Variants in ABCA3 observed in about 807,000 individuals in gnomAD.
ABCA3 encodes the protein ATP binding cassette subfamily A member 3.
In ABCA3, 88 loss-of-function variants were observed where a neutral mutation model predicts 172.8. That is an observed-to-expected ratio of 0.51 (90% confidence interval 0.43 to 0.61). The LOEUF is 0.61. ABCA3 is among the 20% of genes least tolerant of loss of function. The pLI, the probability that ABCA3 is intolerant of heterozygous loss-of-function variation, is 0.00. For missense variants in ABCA3, 2,164 were observed against 2,301.0 expected (o/e 0.94, Z 1.22); for synonymous variants, 1,066 against 983.8 (o/e 1.08, Z -1.56).
rs766115461 is a variant in ABCA3, at chr16:2,277,553, C to A, written c.4983+44G>T. On this transcript the variant is annotated intron_variant, in intron 32 of 32. Transcript: ENST00000301732. This position sits in a 1 kb window ranked among gnomAD's most constrained non-coding sequence, Gnocchi z 5.3. ...GGGAGAGACCCCTGGAGGGACCTCC[C>A]CCTGCCCCATGAGTGCCCAGTGGGG... 1 of 1,603,504 alleles carries A rather than the reference C, an allele frequency of 6.2e-7. No individual in the cohort carries two copies. Among genetic ancestry groups the A allele is most frequent in the African/African-American group, 1.3e-5 (1 of 74,760 alleles).
Position 2,278,243 on chromosome 16 carries a change from C to T in ABCA3, c.4718+45G>A. Reference sequence around the variant, plus strand: ...CTGGCCACCTGGCTCCTCCATGGCCCACCCGGTGCTGAAACTTCCAGTAAC... The same window carrying T: ...CTGGCCACCTGGCTCCTCCATGGCCTACCCGGTGCTGAAACTTCCAGTAAC... On this transcript the variant is annotated intron_variant, in intron 30 of 32. Coordinates refer to ENST00000301732, the MANE Select transcript of ABCA3 (RefSeq NM_001089.3). This position sits in a 1 kb window ranked among gnomAD's most constrained non-coding sequence, Gnocchi z 4.4. 1.2e-6 allele frequency: 2 copies of T among 1,603,064 alleles called. No homozygotes were observed. Among genetic ancestry groups the T allele is most frequent in the Non-Finnish European group, 1.7e-6 (2 of 1,179,888 alleles).
At chr16:2,339,327 T>C (rs974281859) in intron 1 of ABCA3, 1 of 152,224 alleles carries the variant, frequency 6.6e-6, no homozygotes, top group Admixed American at 6.5e-5. Context: ...CTGGTCAGAA[T>C]GGTGGTAAGT....
chr16:2,333,505 C>G (rs2093746663), intron 1 of ABCA3, among the ~76,000 whole-genome samples: 1 of 152,130 alleles, frequency 6.6e-6, no homozygotes, highest in Non-Finnish European at 1.5e-5. Context: ...CAGCCAGCAT[C>G]AAAGATCCGC....
Position 2,285,637 on chromosome 16 carries a change from C to G in ABCA3, c.3288G>C (p.Lys1096Asn), listed in dbSNP as rs775423431. 3.0e-5 allele frequency: 47 copies of G among 1,552,204 alleles called. No homozygotes were observed. The South Asian group carries it at 5.1e-4, about 17-fold the overall frequency. ...GCAGGTTGAGGGCAATGTCGAATCC[C>G]TTCCGGCCCCTGCGGGGGACAGAGA... The part of the protein sequence containing the change: ...AAKDQFNEGR[K>N]GFDIALNLLF... The change falls in exon 23 of 33, where the codon AAG becomes AAC. Residue 1096 changes from lysine to asparagine, a missense_variant. Lys to Asn is a moderately conservative substitution (Grantham distance 94). Coordinates refer to ENST00000301732, the MANE Select transcript of ABCA3 (RefSeq NM_001089.3). This position sits in a 1 kb window ranked among gnomAD's most constrained non-coding sequence, Gnocchi z 4.7.
intron 12 of ABCA3, 88 bp from the exon 13 acceptor site, chr16:2,300,236 G>A: frequency 6.3e-7 from 1 of 1,575,670 alleles, no homozygotes; most frequent in Admixed American, 1.7e-5. Context: ...ACACAGCCAT[G>A]CAGCCTCTGT....
At chr16:2,307,940 T>G (rs554507283) in intron 11 of ABCA3, among the ~76,000 whole-genome samples, 2 of 152,284 alleles carry the variant, frequency 1.3e-5, no homozygotes, top group African/African-American at 4.8e-5. Context: ...CTCAGGAAGC[T>G]GGAAGAGGCC....
chr16:2,319,876 G>A (rs761227656), intron 7 of ABCA3, 36 bp from the exon 8 acceptor site: 28 of 1,611,548 alleles, frequency 1.7e-5, no homozygotes, highest in African/African-American at 1.2e-4. Context: ...CAGCCACCTC[G>A]AGGAGCTGCT....
intron 1 of ABCA3, among the ~76,000 whole-genome samples, chr16:2,330,164 C>T (rs114992590): frequency 0.015 from 2,315 of 151,206 alleles, 64 homozygotes; most frequent in African/African-American, 0.053. Context: ...GGTGTGGTGA[C>T]GTGTGCCTGT....
rs2093733912 is a variant in ABCA3, at chr16:2,326,128, C to G, written c.201G>C (p.Leu67=). The G allele has an allele frequency of 6.2e-7, 1 of 1,614,152 alleles. No individual in the cohort carries two copies. The highest frequency in any genetic ancestry group is 1.3e-5 in the African/African-American group (1 of 75,070). Residue 67 remains leucine, a synonymous_variant, in exon 5 of 33, where the codon CTG becomes CTC. Coordinates refer to ENST00000301732, the MANE Select transcript of ABCA3 (RefSeq NM_001089.3). ...YPGQSIQELP[L]FFTFPPPGDT... ...CTCCTGGCGGAGGGAAGGTGAAGAA[C>G]AGAGGCAGCTCCTGGATGGACTGGC...
At chr16:2,309,603 A>C (rs537652673) in intron 10 of ABCA3, among the ~76,000 whole-genome samples, 1 of 152,020 alleles carries the variant, frequency 6.6e-6, no homozygotes, top group Non-Finnish European at 1.5e-5. Flanking sequence ...GCAGTGCTCA[A>C]ACTGTTTGGT....
chr16:2,332,301 GT>G, intron 1 of ABCA3: 1 of 635,266 alleles, frequency 1.6e-6, no homozygotes, highest in Non-Finnish European at 2.8e-6. Flanking sequence ...AATTTTGATA[GT>G]CACGATGGGC....
intron 1 of ABCA3, among the ~76,000 whole-genome samples, chr16:2,336,046 G>A (rs2093751186): frequency 2.0e-5 from 3 of 152,228 alleles, no homozygotes; most frequent in Admixed American, 6.5e-5. Context: ...TAGACACAAC[G>A]TAATCTGTCC....
chr16:2,297,411 G>A lies in ABCA3; in HGVS notation c.2181C>T (p.Asp727=), dbSNP rs2093681500. 4 of 1,613,718 alleles carry A rather than the reference G, an allele frequency of 2.5e-6. No individual in the cohort carries two copies. The East Asian group carries it at 8.9e-5, about 36-fold the overall frequency. ...TGATGGCGATGCGGTCTCCCAGCAG[G>A]TCAGCCTCGTCCATGAAGTGGGTGG... The part of the protein sequence containing the change: ...VLTTHFMDEA[D]LLGDRIAIMA... The change falls in exon 17 of 33, where the codon GAC becomes GAT. Residue 727 remains aspartate (D), a synonymous_variant. Transcript: ENST00000301732. The surrounding 1 kb of genome is among the most constrained non-coding windows in gnomAD (Gnocchi z 5.6).
chr16:2,331,991 T>G (rs2093743987), intron 1 of ABCA3, among the ~76,000 whole-genome samples: 1 of 152,188 alleles, frequency 6.6e-6, no homozygotes, highest in South Asian at 2.1e-4. Context: ...ACATCACACA[T>G]ATCATTGAGT....
In ABCA3 at chr16:2,292,205, C is replaced by T. The variant is rs970709883; in HGVS notation, c.2448G>A (p.Lys816=). The T allele has an allele frequency of 6.2e-6, 10 of 1,613,994 alleles. No individual in the cohort carries two copies. In the East Asian group the frequency reaches 8.9e-5, roughly 14 times the overall value. ...AGCTGGCAATGCCCAGCTCTTTCTG[C>T]TTCTTCTCCAGTTTAGCAAAGAGAC... The part of the protein sequence containing the change: ...FEGLFAKLEK[K]QKELGIASFG... The change falls in exon 19 of 33, where the codon AAG becomes AAA. Residue 816 remains lysine (K), a synonymous_variant. Coordinates refer to ENST00000301732, the MANE Select transcript of ABCA3 (RefSeq NM_001089.3).
Position 2,328,705 on chromosome 16 carries a change from T to C in ABCA3, c.-279A>G. Reference sequence around the variant, plus strand: ...GTCCTTCATGTGCGGAAAAGCCTCCTTGACTCACAGTGGAAGAGTTTCAGG... The same window carrying C: ...GTCCTTCATGTGCGGAAAAGCCTCCCTGACTCACAGTGGAAGAGTTTCAGG... On this transcript the variant is annotated 5_prime_UTR_variant, in exon 3 of 33. Coordinates refer to ENST00000301732, the MANE Select transcript of ABCA3 (RefSeq NM_001089.3). The C allele has an allele frequency of 2.8e-6, 1 of 361,992 alleles. No individual in the cohort carries two copies. The highest frequency in any genetic ancestry group is 5.6e-6 in the Non-Finnish European group (1 of 178,660). The allele number at this position is 361,992 out of a possible 1,614,324, so 22.4% of individuals were successfully genotyped here. A position where few individuals can be genotyped will look rare whatever the true frequency, so the allele number is the denominator to read the frequency against.
chr16:2,316,290 C>A (rs115464529), intron 10 of ABCA3, among the ~76,000 whole-genome samples: 3,652 of 87,238 alleles, frequency 0.042, 178 homozygotes, highest in African/African-American at 0.14. Context: ...GCCTGGGCAA[C>A]AGAACAAGAG....
rs543797447 is a variant in ABCA3, at chr16:2,289,470, G to A, written c.2664C>T (p.Ile888=). The A allele has an allele frequency of 1.9e-5, 30 of 1,567,672 alleles. No individual in the cohort carries two copies. The South Asian group carries it at 2.1e-4, about 11-fold the overall frequency. The change falls in exon 20 of 33, where the codon ATC becomes ATT. Residue 888 remains isoleucine, a synonymous_variant. Coordinates refer to ENST00000301732, the MANE Select transcript of ABCA3 (RefSeq NM_001089.3). ...GCTTGACAGCGGTGCGCTCCTCCTC[G>A]ATGAGGGCTCCAATGCCGTCGGAGG... ...MDPSDGIGAL[I]EEERTAVKLN... is the part of the protein sequence containing the mutation.
In ABCA3 at chr16:2,304,049, A is replaced by G. The variant is rs756834166; in HGVS notation, c.1387T>C (p.Tyr463His). 1.2e-6 allele frequency: 2 copies of G among 1,614,204 alleles called. No homozygotes were observed. The highest frequency in any genetic ancestry group is 1.7e-5 in the Admixed American group (1 of 60,026). Residue 463 changes from tyrosine to histidine, a missense_variant, in exon 12 of 33, where the codon TAT becomes CAT. Physicochemically the swap from Tyr to His is moderately conservative, Grantham distance 83. Coordinates refer to ENST00000301732, the MANE Select transcript of ABCA3 (RefSeq NM_001089.3). The part of the protein sequence containing the change: ...LGMLLLDSVL[Y>H]GLVTWYMEAV... ...TCCATGTACCAGGTCACCAGGCCAT[A>G]GAGCACAGAGTCCAGCAGCAGCATC...
Sources: allele counts gnomAD v4.1 joint callset (sites outside exome capture counted in the v4.1 genomes callset), GRCh38; gene constraint gnomAD v4.1.1; non-coding constraint Gnocchi (gnomAD v3.1); transcripts MANE v1.5; gene names NCBI Gene and HGNC (gene_info 2026-07-23, HGNC 2026-07-21).